The following SC5D variants were observed in gnomAD, a reference collection of about 807,000 sequenced individuals.
SC5D encodes sterol-C5-desaturase, also known as lathosterol oxidase.
Under a neutral mutation model 23.9 loss-of-function variants are expected in SC5D, and 21 were observed. The observed-to-expected ratio is 0.88, with a 90% confidence interval of 0.62 to 1.26. The LOEUF (loss-of-function observed/expected upper bound fraction) is 1.26. Among genes scored for constraint, SC5D ranks in the 50% most tolerant of loss-of-function variants. The pLI is 0.00. For missense variants in SC5D, 309 were observed against 364.8 expected, an observed-to-expected ratio of 0.85 and a Z score of 1.25; for synonymous variants, 113 against 125.9, an observed-to-expected ratio of 0.90 and a Z score of 0.68.
Position 121,306,384 on chromosome 11 carries a change from A to C in SC5D, c.344-2A>C. The C allele has an allele frequency of 1.4e-6, 2 of 1,458,760 alleles. No homozygotes were observed. Among genetic ancestry groups the C allele is most frequent in the East Asian group, 2.3e-5 (1 of 44,080 alleles). The allele number at this position is 1,458,760 out of a possible 1,614,324, so 90.4% of individuals were successfully genotyped here. On this transcript the variant is annotated splice_acceptor_variant, in intron 3 of 4. Transcript: ENST00000264027. LOFTEE classifies it high-confidence loss of function. ...TCTTCTGTTTCCCGTTTTCTTTTCTAGGATTGTTTGAACTTGTCGTTAGTA... is the reference window on the plus strand; with the variant it reads ...TCTTCTGTTTCCCGTTTTCTTTTCTCGGATTGTTTGAACTTGTCGTTAGTA...
At chr11:121,294,525 A>G (rs1266069998) in intron 1 of SC5D, among the ~76,000 whole-genome samples, 1 of 152,120 alleles carries the variant, frequency 6.6e-6, no homozygotes. Context: ...AGGGAAAATT[A>G]GTTAATATAT....
At position 121,306,372 on chromosome 11, in the gene SC5D, GTTTTC is replaced by G; in HGVS notation, c.344-7_344-3del. 7.4e-7 allele frequency: 1 copy of G among 1,347,284 alleles called. No individual in the cohort carries two copies. The allele number at this position is 1,347,284 out of a possible 1,614,324, so 83.5% of individuals were successfully genotyped here. A position where few individuals can be genotyped will look rare whatever the true frequency, so the allele number is the denominator to read the frequency against. On this transcript the variant is annotated splice_polypyrimidine_tract_variant and intron_variant, in intron 3 of 4. Transcript: ENST00000264027. ...CTGAGTTTTGATTCTTCTGTTTCCC[GTTTTC>G]TTTTCTAGGATTGTTTGAACTTGTC...
rs1481877400 is a variant in SC5D at position 121,307,410 on chromosome 11, C to T, written c.798C>T (p.Leu266=). ...CATCCTTTGAGGGGAAGGGACCGCT[C>T]AGTTATGTGAAGGAGATGACAGAGG... The part of the protein sequence containing the change: ...NPSSFEGKGP[L]SYVKEMTEGK... The change falls in exon 5 of 5, where the codon CTC becomes CTT. Residue 266 remains leucine, a synonymous_variant. Transcript: ENST00000264027. 8.1e-6 allele frequency: 13 copies of T among 1,612,802 alleles called. No homozygotes were observed. The highest frequency in any genetic ancestry group is 1.1e-5 in the Non-Finnish European group (13 of 1,179,218).
chr11:121,307,666 C>G lies in SC5D; in HGVS notation c.*154C>G. Reference sequence around the variant, plus strand: ...ATCGTGGGCACTGCTGAGGAATGATCCTAGTGGTAGGTCAGAAGAAGATGC... The same window carrying G: ...ATCGTGGGCACTGCTGAGGAATGATGCTAGTGGTAGGTCAGAAGAAGATGC... On this transcript the variant is annotated 3_prime_UTR_variant, in exon 5 of 5. Transcript: ENST00000264027. The G allele has an allele frequency of 1.7e-6, 1 of 601,982 alleles. No individual in the cohort carries two copies. Among genetic ancestry groups the G allele is most frequent in the South Asian group, 2.2e-5 (1 of 45,760 alleles). 37.3% of individuals were successfully genotyped at this position (601,982 alleles called of 1,614,324 possible).
rs1440957245 is a variant in SC5D at position 121,307,568 on chromosome 11, T to C, written c.*56T>C. ...AAAGAAGGAAATATCATCGTATTTC[T>C]TTTTTTTAATAAGGAAAAAATAATA... On this transcript the variant is annotated 3_prime_UTR_variant, in exon 5 of 5. Coordinates refer to ENST00000264027, the MANE Select transcript of SC5D (RefSeq NM_006918.5). 2.0e-5 allele frequency: 23 copies of C among 1,179,046 alleles called. No individual in the cohort carries two copies. The highest frequency in any genetic ancestry group is 2.6e-5 in the Non-Finnish European group (22 of 838,294). 73.0% of individuals were successfully genotyped at this position (1,179,046 alleles called of 1,614,324 possible). A position where few individuals can be genotyped will look rare whatever the true frequency, so the allele number is the denominator to read the frequency against.
rs5795265 is a variant in SC5D at position 121,310,455 on chromosome 11, CT to C, written c.*2962del. Among the ~76,000 whole-genome samples the C allele has an allele frequency of 0.41, 45,194 of 110,972 alleles. 7,484 individuals are homozygous for C. Among genetic ancestry groups the C allele is most frequent in the Non-Finnish European group, 0.47 (24,933 of 53,120 alleles). The allele number at this position is 110,972 out of a possible 152,430, so 72.8% of individuals were successfully genotyped here. A position where few individuals can be genotyped will look rare whatever the true frequency, so the allele number is the denominator to read the frequency against. On this transcript the variant is annotated 3_prime_UTR_variant, in exon 5 of 5. Transcript: ENST00000264027. ...TGTTCAGCCCTTCTGTCTCCTGTCC[CT>C]TTTTTTTTTTTTTTTTTTGAGATGG...
At chr11:121,304,643 G>A (rs1041370744) in intron 3 of SC5D, 150 bp downstream of exon 3, 1 of 686,166 alleles carries the variant, frequency 1.5e-6, no homozygotes, top group African/African-American at 1.8e-5. Flanking sequence ...ATGTGTTCAT[G>A]TCTTGCCACA....
Position 121,303,485 on chromosome 11 carries a change from T to C in SC5D, c.110T>C (p.Val37Ala). 1 of 1,613,996 alleles carries C rather than the reference T, an allele frequency of 6.2e-7. No homozygotes were observed. Among genetic ancestry groups the C allele is most frequent in the Non-Finnish European group, 8.5e-7 (1 of 1,179,914 alleles). ...CGACAAGCTATTAGTCTTCTGATTG[T>C]AACAAATGTTGGTGCTTACATCCTT... ...IFRQAISLLIVTNVGAYILYF... is the reference protein window; with the variant it reads ...IFRQAISLLIATNVGAYILYF... Residue 37 changes from valine (V) to alanine (A), a missense_variant, in exon 2 of 5, where the codon GTA becomes GCA. Transcript: ENST00000264027.
At chr11:121,300,295 A>G (rs146495886) in intron 1 of SC5D, among the ~76,000 whole-genome samples, 1 of 152,320 alleles carries the variant, frequency 6.6e-6, no homozygotes, top group African/African-American at 2.4e-5. Flanking sequence ...GTCCTTTACC[A>G]TCTCCCTTTT....
chr11:121,303,637 T>G, intron 2 of SC5D, 52 bp downstream of exon 2: 1 of 1,411,678 alleles, frequency 7.1e-7, no homozygotes, highest in Non-Finnish European at 9.9e-7. Context: ...AATAACAATA[T>G]GATATATTTC....
rs1289231173 is a variant in SC5D, at chr11:121,292,798, G to C, written c.-29G>C. 6.6e-6 allele frequency: 1 copy of C among 152,610 alleles called. No individual in the cohort carries two copies. The highest frequency in any genetic ancestry group is 2.4e-5 in the African/African-American group (1 of 41,448). The allele number at this position is 152,610 out of a possible 1,614,324, so 9.5% of individuals were successfully genotyped here. The stretch of plus-strand genomic sequence containing the variant: ...TTTGCAGAGCAGTGGCGTGCGGAGC[G>C]GCGGCGGACCACCTCCAGGTGGGGA... On this transcript the variant is annotated 5_prime_UTR_variant, in exon 1 of 5. Coordinates refer to ENST00000264027, the MANE Select transcript of SC5D (RefSeq NM_006918.5).
rs1222384607 is a variant in SC5D, at chr11:121,311,717, C to A, written c.*4205C>A. Among the ~76,000 whole-genome samples the A allele has an allele frequency of 1.3e-5, 2 of 152,162 alleles. No homozygotes were observed. Among genetic ancestry groups the A allele is most frequent in the African/African-American group, 4.8e-5 (2 of 41,426 alleles). ...CAAGTTGCACCATCCCTGGTTTCTC[C>A]ATCTGTAAATTGATTAAAACACTGC... On this transcript the variant is annotated 3_prime_UTR_variant, in exon 5 of 5. Transcript: ENST00000264027.
At chr11:121,293,060 TGA>T (rs1401049556) in intron 1 of SC5D, 1 of 150,006 alleles carries the variant, frequency 6.7e-6, no homozygotes, top group Non-Finnish European at 1.5e-5. Context: ...CTGCGCCGAG[TGA>T]GAGGAGAGGC....
rs1299942648 is a variant in SC5D at position 121,309,208 on chromosome 11, C to T, written c.*1696C>T. Among the ~76,000 whole-genome samples the T allele has an allele frequency of 6.6e-6, 1 of 152,196 alleles. No homozygotes were observed. Among genetic ancestry groups the T allele is most frequent in the Non-Finnish European group, 1.5e-5 (1 of 68,034 alleles). ...ACCTAGTCTTTCTGCGACCCAGGCT[C>T]CTTCCTCTTGGGGCTCTGCCTTTCT... On this transcript the variant is annotated 3_prime_UTR_variant, in exon 5 of 5. Coordinates refer to ENST00000264027, the MANE Select transcript of SC5D (RefSeq NM_006918.5).
rs1409189073 is a variant in SC5D at position 121,310,911 on chromosome 11, T to G, written c.*3399T>G. Among the ~76,000 whole-genome samples, 1 of 152,202 alleles carries G rather than the reference T, an allele frequency of 6.6e-6. No homozygotes were observed. Among genetic ancestry groups the G allele is most frequent in the Non-Finnish European group, 1.5e-5 (1 of 68,028 alleles). ...AAAATAAATTTCTATTATTTATAGA[T>G]TACCCAGTTGAAGATACTTTGTTAA... is the stretch of plus-strand genomic sequence containing the variant. On this transcript the variant is annotated 3_prime_UTR_variant, in exon 5 of 5. Transcript: ENST00000264027.
intron 1 of SC5D, among the ~76,000 whole-genome samples, chr11:121,295,469 G>T (rs1947882558): frequency 6.6e-6 from 1 of 152,134 alleles, no homozygotes. Context: ...TAAACAATAG[G>T]GCAGAGGAAG....
rs1278567121 is a variant in SC5D at position 121,312,862 on chromosome 11, A to G, written c.*5350A>G. On this transcript the variant is annotated 3_prime_UTR_variant, in exon 5 of 5. Transcript: ENST00000264027. ...TGTGGTATGAAACAAATAGAAACCTAGAAATTTAGTGCATATTCAAATATT... is the reference window on the plus strand; with the variant it reads ...TGTGGTATGAAACAAATAGAAACCTGGAAATTTAGTGCATATTCAAATATT... Among the ~76,000 whole-genome samples, 1 of 152,160 alleles carries G rather than the reference A, an allele frequency of 6.6e-6. No individual in the cohort carries two copies. Among genetic ancestry groups the G allele is most frequent in the Non-Finnish European group, 1.5e-5 (1 of 67,998 alleles).
intron 1 of SC5D, among the ~76,000 whole-genome samples, chr11:121,300,171 T>C (rs1947916203): frequency 6.6e-6 from 1 of 152,218 alleles, no homozygotes; most frequent in African/African-American, 2.4e-5. Context: ...TCAGCTTTTT[T>C]AGAGCTCTAG....
At position 121,307,314 on chromosome 11, in the gene SC5D, G is replaced by A. The variant is rs778614572; in HGVS notation, c.702G>A (p.Met234Ile). The change falls in exon 5 of 5, where the codon ATG becomes ATA. Residue 234 changes from methionine to isoleucine, a missense_variant. By Grantham distance (10) the Met-to-Ile change is conservative (BLOSUM62 1). Coordinates refer to ENST00000264027, the MANE Select transcript of SC5D (RefSeq NM_006918.5). ...CAGCTCATCATACAGACCACCATAT[G>A]TTCTTTGACTATAATTATGGACAAT... ...NGSAHHTDHH[M>I]FFDYNYGQYF... 1.2e-6 allele frequency: 2 copies of A among 1,614,096 alleles called. No individual in the cohort carries two copies. Among genetic ancestry groups the A allele is most frequent in the South Asian group, 2.2e-5 (2 of 91,074 alleles).
Sources: allele counts gnomAD v4.1 joint callset (sites outside exome capture counted in the v4.1 genomes callset), GRCh38; gene constraint gnomAD v4.1.1; transcripts MANE v1.5; gene names NCBI Gene and HGNC (gene_info 2026-07-23, HGNC 2026-07-21).